Variants in DLC1 observed in about 807,000 individuals in gnomAD.
DLC1 encodes the protein DLC1 Rho GTPase activating protein.
Under a neutral mutation model 140.3 loss-of-function variants are expected in DLC1, and 54 were observed. The ratio of observed to expected loss-of-function variants is 0.38; its 90% CI spans 0.31 to 0.48. The LOEUF is 0.48. Among genes scored for constraint, DLC1 ranks in the 20% least tolerant of loss-of-function variants. The pLI is 0.96. For synonymous variants in DLC1, 986 were observed against 728.1 expected (o/e 1.35, Z -5.70); for missense variants, 2,536 against 1,907.0 (o/e 1.33, Z -6.14).
intron 5 of DLC1, among the ~76,000 whole-genome samples, chr8:13,209,928 G>A (rs750026468): frequency 6.6e-6 from 1 of 152,160 alleles, no homozygotes; most frequent in African/African-American, 2.4e-5. Context: ...TTATAGCAAT[G>A]CAAGGACAGC....
chr8:13,386,207 G>A (rs545898905), intron 4 of DLC1, among the ~76,000 whole-genome samples: 71 of 152,230 alleles, frequency 4.7e-4, no homozygotes, highest in Non-Finnish European at 8.7e-4. Flanking sequence ...TTGCAGGAAT[G>A]ATTTTTAAAT....
intron 1 of DLC1, among the ~76,000 whole-genome samples, chr8:13,531,940 C>T (rs1358036203): frequency 6.6e-6 from 1 of 152,182 alleles, no homozygotes; most frequent in African/African-American, 2.4e-5. Context: ...CTTTAACTTG[C>T]TTATGTCACT....
intron 1 of DLC1, among the ~76,000 whole-genome samples, chr8:13,568,562 G>A (rs990962002): frequency 4.8e-5 from 7 of 144,420 alleles, no homozygotes; most frequent in South Asian, 2.3e-4. Flanking sequence ...AGTTGAAGCC[G>A]TAGATTGTCA....
upstream of DLC1, among the ~76,000 whole-genome samples, chr8:13,519,242 C>G (rs996606210): frequency 2.0e-5 from 3 of 151,700 alleles, no homozygotes; most frequent in East Asian, 5.9e-4. Context: ...ATTCTCCTGC[C>G]TCAGCCTCCC....
intron 5 of DLC1, among the ~76,000 whole-genome samples, chr8:13,183,864 C>T (rs1420311902): frequency 3.3e-5 from 5 of 152,032 alleles, no homozygotes; most frequent in Admixed American, 1.3e-4. Flanking sequence ...TCTTTTCTAT[C>T]GATTGGAATA....
intron 5 of DLC1, among the ~76,000 whole-genome samples, chr8:13,198,623 A>G (rs1024525964): frequency 2.0e-5 from 3 of 152,026 alleles, no homozygotes; most frequent in Non-Finnish European, 4.4e-5. Context: ...AAAATGGAAA[A>G]TGTTGCTTAT....
At chr8:13,237,238 T>C (rs533244949) in intron 5 of DLC1, among the ~76,000 whole-genome samples, 7 of 116,216 alleles carry the variant, frequency 6.0e-5, no homozygotes, top group African/African-American at 1.9e-4. Flanking sequence ...CATATATATA[T>C]ATACACACAC....
chr8:13,372,333 G>A (rs768230026), intron 4 of DLC1, among the ~76,000 whole-genome samples: 4 of 152,158 alleles, frequency 2.6e-5, no homozygotes, highest in African/African-American at 4.8e-5. Context: ...CACTTATAGA[G>A]AGAATTGCAA....
chr8:13,569,026 C>T (rs976402352), intron 1 of DLC1, among the ~76,000 whole-genome samples: 1 of 152,080 alleles, frequency 6.6e-6, no homozygotes, highest in Non-Finnish European at 1.5e-5. Flanking sequence ...CCATTTTGGT[C>T]GTGAAGATTT....
At chr8:13,149,417 C>A (rs774972309) in intron 5 of DLC1, among the ~76,000 whole-genome samples, 1 of 152,216 alleles carries the variant, frequency 6.6e-6, no homozygotes, top group Admixed American at 6.5e-5. Flanking sequence ...GTCTTTCCCT[C>A]GGACAAACTA....
At chr8:13,090,101 G>A (rs767679079) in intron 15 of DLC1, 151 bp downstream of exon 15, 73 of 659,334 alleles carry the variant, frequency 1.1e-4, no homozygotes, top group African/African-American at 6.2e-4. Context: ...CTCTCACCAC[G>A]GGGATCTTAC....
intron 2 of DLC1, among the ~76,000 whole-genome samples, chr8:13,410,064 A>T (rs12155537): frequency 0.1 from 15,342 of 152,192 alleles, 1,002 homozygotes; most frequent in Middle Eastern, 0.19. Context: ...GAATGTCATT[A>T]ATCTCCTATA....
chr8:13,569,029 G>A (rs545900105), intron 1 of DLC1, among the ~76,000 whole-genome samples: 6 of 152,294 alleles, frequency 3.9e-5, no homozygotes, highest in Non-Finnish European at 5.9e-5. Flanking sequence ...TTTTGGTCGT[G>A]AAGATTTTAT....
At chr8:13,416,467 C>G (rs1479066200) in intron 2 of DLC1, among the ~76,000 whole-genome samples, 1 of 152,036 alleles carries the variant, frequency 6.6e-6, no homozygotes, top group Non-Finnish European at 1.5e-5. Context: ...TGAGTGCAGA[C>G]ATACAAAATA....
chr8:13,174,016 T>C (rs957634757), intron 5 of DLC1, among the ~76,000 whole-genome samples: 11 of 152,124 alleles, frequency 7.2e-5, no homozygotes, highest in Admixed American at 5.9e-4. Flanking sequence ...TTTCCCTCCT[T>C]CACTCTTCCC....
intron 4 of DLC1, among the ~76,000 whole-genome samples, chr8:13,376,752 C>T (rs1363337076): frequency 6.6e-6 from 1 of 152,160 alleles, no homozygotes; most frequent in Non-Finnish European, 1.5e-5. Flanking sequence ...CCTGCTTTCA[C>T]CCACAGAGGA....
intron 5 of DLC1, among the ~76,000 whole-genome samples, chr8:13,263,407 G>C: frequency 6.6e-6 from 1 of 151,880 alleles, no homozygotes; most frequent in East Asian, 1.9e-4. Context: ...TCTTTAAATA[G>C]ACACTTAGTT....
intron 5 of DLC1, among the ~76,000 whole-genome samples, chr8:13,258,954 G>T (rs1006949996): frequency 6.6e-6 from 1 of 151,756 alleles, no homozygotes; most frequent in African/African-American, 2.4e-5. Flanking sequence ...TGGCTAACAC[G>T]GTGAAACCCC....
At chr8:13,330,225 T>C (rs1247103167) in intron 4 of DLC1, among the ~76,000 whole-genome samples, 1 of 152,170 alleles carries the variant, frequency 6.6e-6, no homozygotes, top group Non-Finnish European at 1.5e-5. Flanking sequence ...ATGCTGGGAT[T>C]GCAGGAATAA....
Sources: gnomAD v4.1 joint callset for allele counts (sites outside exome capture counted in the v4.1 genomes callset) on GRCh38, gnomAD v4.1.1 for gene constraint, MANE v1.5 for transcripts, NCBI Gene and HGNC (gene_info 2026-07-23, HGNC 2026-07-21) for gene names.